Variants in SHE observed in about 807,000 individuals in gnomAD.
SHE encodes SH2 domain-containing adapter protein E.
In SHE, 11 loss-of-function variants were observed where a neutral mutation model predicts 49.8. That is an observed-to-expected ratio of 0.22 (90% CI 0.14 to 0.37). The LOEUF is 0.37. Among genes scored for constraint, SHE ranks in the 10% least tolerant of loss-of-function variants. The pLI is 1.00. For missense variants in SHE, 624 were observed against 655.5 expected, an observed-to-expected ratio of 0.95 and a Z score of 0.52; for synonymous variants, 310 against 278.1, an observed-to-expected ratio of 1.11 and a Z score of -1.14.
Position 154,479,531 on chromosome 1 carries a change from T to C in SHE, c.*4618A>G, listed in dbSNP as rs528081875. The C allele has an allele frequency of 2.2e-3, 2,187 of 985,360 alleles. 6 individuals carry two copies. Among genetic ancestry groups the C allele is most frequent in the South Asian group, 0.017 (364 of 21,282 alleles). 61.0% of individuals were successfully genotyped at this position (985,360 alleles called of 1,614,324 possible). On this transcript the variant is annotated 3_prime_UTR_variant, in exon 6 of 6. Coordinates refer to ENST00000304760, the MANE Select transcript of SHE (RefSeq NM_001010846.3). ...AGTTACATTTCAGAGGAAACTATCT[T>C]CAGGAGGGCATGAAGCCTATATTGG...
chr1:154,501,380 G>A (rs1405996029), intron 1 of SHE, 56 bp downstream of exon 1: 5 of 1,548,398 alleles, frequency 3.2e-6, no homozygotes, highest in Middle Eastern at 1.7e-4. Flanking sequence ...GGGCTTAGCA[G>A]GCGCCCAGGG....
chr1:154,491,217 C>T (rs1173138852), intron 2 of SHE, among the ~76,000 whole-genome samples: 1 of 152,188 alleles, frequency 6.6e-6, no homozygotes, highest in African/African-American at 2.4e-5. Flanking sequence ...TCTCTTAACA[C>T]CTCATAAGCT....
exon 2 of SHE, chr1:154,470,225 G>T: frequency 9.5e-7 from 1 of 1,047,572 alleles, no homozygotes; most frequent in Non-Finnish European, 1.3e-6. Context: ...GGCTGCGTGG[G>T]CCATGGAGGG....
intron 4 of SHE, 32 bp downstream of exon 4, chr1:154,486,495 G>C (rs984672892): frequency 6.2e-7 from 1 of 1,609,904 alleles, no homozygotes; most frequent in Non-Finnish European, 8.5e-7. Context: ...CCCAGCTGTT[G>C]TCTGTTACAA....
rs879835940 is a variant in SHE, at chr1:154,501,457, C to T, written c.570G>A (p.Lys190=). Reference sequence around the variant, plus strand: ...TTACCGTCTCTTGCTGCTTAATAATCTTGCCCTTGTCCAGCTCGGGCCCCA... The same window carrying T: ...TTACCGTCTCTTGCTGCTTAATAATTTTGCCCTTGTCCAGCTCGGGCCCCA... ...SSLGPELDKG[K]IIKQQETVII... Residue 190 remains lysine (K), a synonymous_variant, in exon 1 of 6, where the codon AAG becomes AAA. Coordinates refer to ENST00000304760, the MANE Select transcript of SHE (RefSeq NM_001010846.3). 1.2e-6 allele frequency: 2 copies of T among 1,614,076 alleles called. No homozygotes were observed. Among genetic ancestry groups the T allele is most frequent in the African/African-American group, 1.3e-5 (1 of 74,926 alleles).
intron 3 of SHE, among the ~76,000 whole-genome samples, chr1:154,487,557 G>A (rs879553789): frequency 2.0e-5 from 3 of 151,590 alleles, no homozygotes; most frequent in Non-Finnish European, 2.9e-5. Context: ...CAAATCAAAC[G>A]AAACTGACTC....
rs558002578 is a variant in SHE at position 154,495,995 on chromosome 1, T to G, written c.718+3117A>C. 1.5e-4 allele frequency among the ~76,000 whole-genome samples: 23 copies of G among 152,306 alleles called. No homozygotes were observed. In the East Asian group the frequency reaches 4.2e-3, roughly 28 times the overall value. ...AAGAAAGACGGGAAATTTCCGAACT[T>G]GGACTTGACAATCAGGTACACAAGG... On this transcript the variant is annotated intron_variant, in intron 2 of 5. Transcript: ENST00000304760.
intron 2 of SHE, among the ~76,000 whole-genome samples, chr1:154,498,833 A>G (rs1293637848): frequency 1.3e-5 from 2 of 152,228 alleles, no homozygotes; most frequent in Non-Finnish European, 2.9e-5. Context: ...ACTGAACATC[A>G]TATTCTGAGC....
At position 154,480,923 on chromosome 1, in the gene SHE, A is replaced by G. The variant is rs1692002203; in HGVS notation, c.*3226T>C. 1 of 985,424 alleles carries G rather than the reference A, an allele frequency of 1.0e-6. No individual in the cohort carries two copies. Among genetic ancestry groups the G allele is most frequent in the Non-Finnish European group, 1.2e-6 (1 of 829,926 alleles). 61.0% of individuals were successfully genotyped at this position (985,424 alleles called of 1,614,324 possible). A position where few individuals can be genotyped will look rare whatever the true frequency, so the allele number is the denominator to read the frequency against. On this transcript the variant is annotated 3_prime_UTR_variant, in exon 6 of 6. Transcript: ENST00000304760. ...TCATCGCAAGCAAGTATTTTTTTTA[A>G]AGAAGGTGTGATCAAGAAGAACACT...
Position 154,479,814 on chromosome 1 carries a change from G to T in SHE, c.*4335C>A. On this transcript the variant is annotated 3_prime_UTR_variant, in exon 6 of 6. Coordinates refer to ENST00000304760, the MANE Select transcript of SHE (RefSeq NM_001010846.3). ...TTGAGATTCTAAATTACACGATCCA[G>T]CCTTAGTCCAGGGACCTTGTGATGA... is the stretch of plus-strand genomic sequence containing the variant. 1 of 985,366 alleles carries T rather than the reference G, an allele frequency of 1.0e-6. No homozygotes were observed. Among genetic ancestry groups the T allele is most frequent in the South Asian group, 4.7e-5 (1 of 21,282 alleles). The allele number at this position is 985,366 out of a possible 1,614,324, so 61.0% of individuals were successfully genotyped here. A position where few individuals can be genotyped will look rare whatever the true frequency, so the allele number is the denominator to read the frequency against.
At position 154,497,773 on chromosome 1, in the gene SHE, C is replaced by T. The variant is rs561484068; in HGVS notation, c.718+1339G>A. 7.9e-5 allele frequency among the ~76,000 whole-genome samples: 12 copies of T among 152,004 alleles called. No individual in the cohort carries two copies. The South Asian group carries it at 1.7e-3, about 21-fold the overall frequency. On this transcript the variant is annotated intron_variant, in intron 2 of 5. Coordinates refer to ENST00000304760, the MANE Select transcript of SHE (RefSeq NM_001010846.3). The stretch of plus-strand genomic sequence containing the variant: ...TTGGCTCACCACAACCTCTGCCTCC[C>T]GAGTTCAAGTGATTCTCCTGCCTCA...
intron 2 of SHE, among the ~76,000 whole-genome samples, chr1:154,495,958 C>G (rs965564478): frequency 1.3e-5 from 2 of 152,140 alleles, no homozygotes; most frequent in African/African-American, 4.8e-5. Context: ...GTAAAAAAAA[C>G]TCTCATTTCT....
At chr1:154,497,273 T>TA (rs1692558970) in intron 2 of SHE, among the ~76,000 whole-genome samples, 1 of 152,224 alleles carries the variant, frequency 6.6e-6, no homozygotes, top group African/African-American at 2.4e-5. Flanking sequence ...AGACTATACT[T>TA]AGAGAACCTG....
Position 154,502,236 on chromosome 1 carries a change from G to A in SHE, c.-210C>T. ...CCGGGCTCGTCTTCAACGCCTGCCCGGCCCGAGGACACCGTGGCTCTCGGA... is the reference window on the plus strand; with the variant it reads ...CCGGGCTCGTCTTCAACGCCTGCCCAGCCCGAGGACACCGTGGCTCTCGGA... On this transcript the variant is annotated 5_prime_UTR_variant, in exon 1 of 6. Transcript: ENST00000304760. 3.8e-6 allele frequency: 1 copy of A among 262,912 alleles called. No homozygotes were observed. The highest frequency in any genetic ancestry group is 6.8e-6 in the Non-Finnish European group (1 of 146,452). 16.3% of individuals were successfully genotyped at this position (262,912 alleles called of 1,614,324 possible).
chr1:154,502,301 T>A lies in SHE; in HGVS notation c.-275A>T. ...GGGGCTTCCCCCTGCTCTTTCCTCC[T>A]GCGGTGGGAGAGGCCAGGCCCACGG... On this transcript the variant is annotated 5_prime_UTR_variant, in exon 1 of 6. Transcript: ENST00000304760. 1.1e-5 allele frequency: 2 copies of A among 186,122 alleles called. No homozygotes were observed. The highest frequency in any genetic ancestry group is 1.1e-5 in the Non-Finnish European group (1 of 90,912). 11.5% of individuals were successfully genotyped at this position (186,122 alleles called of 1,614,324 possible). A position where few individuals can be genotyped will look rare whatever the true frequency, so the allele number is the denominator to read the frequency against.
Position 154,480,035 on chromosome 1 carries a change from T to C in SHE, c.*4114A>G, listed in dbSNP as rs1051464648. The C allele has an allele frequency of 3.0e-6, 3 of 985,412 alleles. No individual in the cohort carries two copies. Among genetic ancestry groups the C allele is most frequent in the Non-Finnish European group, 3.6e-6 (3 of 829,954 alleles). The allele number at this position is 985,412 out of a possible 1,614,324, so 61.0% of individuals were successfully genotyped here. ...AGATGGCAGTAACGCACCATCTCTCTTCACACAGGGTCAGCGGTGGAGGGT... is the reference window on the plus strand; with the variant it reads ...AGATGGCAGTAACGCACCATCTCTCCTCACACAGGGTCAGCGGTGGAGGGT... On this transcript the variant is annotated 3_prime_UTR_variant, in exon 6 of 6. Transcript: ENST00000304760.
rs1194290623 is a variant in SHE at position 154,483,985 on chromosome 1, G to A, written c.*164C>T. 10 of 1,416,706 alleles carry A rather than the reference G, an allele frequency of 7.1e-6. No homozygotes were observed. In the East Asian group the frequency reaches 7.6e-5, roughly 11 times the overall value. 87.8% of individuals were successfully genotyped at this position (1,416,706 alleles called of 1,614,324 possible). On this transcript the variant is annotated 3_prime_UTR_variant, in exon 6 of 6. Transcript: ENST00000304760. Reference sequence around the variant, plus strand: ...TGCACTCCAGCCTGGGCAACACAGCGAGACTTCGTCTCAAACAAAACAAAA... The same window carrying A: ...TGCACTCCAGCCTGGGCAACACAGCAAGACTTCGTCTCAAACAAAACAAAA...
In SHE at chr1:154,481,027, G is replaced by A. The variant is rs1692005041; in HGVS notation, c.*3122C>T. ...CTCACCAGAGAATATCCTGGGAGATGGAATAACTCGAAGGAATGAGGACTA... is the reference window on the plus strand; with the variant it reads ...CTCACCAGAGAATATCCTGGGAGATAGAATAACTCGAAGGAATGAGGACTA... On this transcript the variant is annotated 3_prime_UTR_variant, in exon 6 of 6. Transcript: ENST00000304760. 3.0e-6 allele frequency: 3 copies of A among 985,386 alleles called. No homozygotes were observed. Among genetic ancestry groups the A allele is most frequent in the Non-Finnish European group, 2.4e-6 (2 of 829,914 alleles). The allele number at this position is 985,386 out of a possible 1,614,324, so 61.0% of individuals were successfully genotyped here. A position where few individuals can be genotyped will look rare whatever the true frequency, so the allele number is the denominator to read the frequency against.
downstream of SHE, among the ~76,000 whole-genome samples, chr1:154,475,718 A>C (rs540178508): frequency 6.6e-6 from 1 of 152,236 alleles, no homozygotes; most frequent in Non-Finnish European, 1.5e-5. Context: ...CAGACAAAAC[A>C]AAATTGGCTG....
Sources: gnomAD v4.1 joint callset for allele counts (sites outside exome capture counted in the v4.1 genomes callset) on GRCh38, gnomAD v4.1.1 for gene constraint, MANE v1.5 for transcripts, NCBI Gene and HGNC (gene_info 2026-07-23, HGNC 2026-07-21) for gene names.